The following MRTFA variants were observed in gnomAD, a reference collection of about 807,000 sequenced individuals.
MRTFA encodes myocardin-related transcription factor A.
In MRTFA, 20 loss-of-function variants were observed where a neutral mutation model predicts 83.5. That is an observed-to-expected ratio of 0.24 (90% confidence interval 0.17 to 0.35). The LOEUF (loss-of-function observed/expected upper bound fraction) is 0.35, where lower values mean the gene tolerates loss of function less well. MRTFA is among the 10% of genes least tolerant of loss of function. The pLI is 1.00. For missense variants in MRTFA, 1,200 were observed against 1,224.7 expected, an observed-to-expected ratio of 0.98 and a Z score of 0.30; for synonymous variants, 659 against 541.2, an observed-to-expected ratio of 1.22 and a Z score of -3.02.
At chr22:40,623,129 G>A (rs1484675999) in intron 1 of MRTFA, among the ~76,000 whole-genome samples, 2 of 152,184 alleles carry the variant, frequency 1.3e-5, no homozygotes, top group African/African-American at 4.8e-5. Context: ...CTGGATACCA[G>A]ATTAGAGAGA....
At chr22:40,512,043 A>G (rs559840714) in intron 3 of MRTFA, among the ~76,000 whole-genome samples, 12 of 152,334 alleles carry the variant, frequency 7.9e-5, no homozygotes, top group Non-Finnish European at 1.5e-4. Flanking sequence ...TGAGGCCTAG[A>G]ATGGGCCCAC....
intron 4 of MRTFA, among the ~76,000 whole-genome samples, chr22:40,438,149 TGG>T (rs1302727165): frequency 6.6e-6 from 1 of 152,214 alleles, no homozygotes; most frequent in Admixed American, 6.5e-5. Context: ...CAATTACTGC[TGG>T]GTGACATGGG....
At chr22:40,524,964 C>T (rs1467255732) in intron 3 of MRTFA, among the ~76,000 whole-genome samples, 2 of 152,158 alleles carry the variant, frequency 1.3e-5, no homozygotes, top group Non-Finnish European at 2.9e-5. Flanking sequence ...TGGGCCACCA[C>T]ACCCAGCTAA....
chr22:40,552,978 C>T (rs934112663), intron 2 of MRTFA, among the ~76,000 whole-genome samples: 3 of 152,154 alleles, frequency 2.0e-5, no homozygotes, highest in Admixed American at 1.3e-4. Flanking sequence ...CAATGAAGTA[C>T]AGGCTGAAAT....
At chr22:40,503,169 G>A (rs2054524870) in intron 3 of MRTFA, among the ~76,000 whole-genome samples, 1 of 152,192 alleles carries the variant, frequency 6.6e-6, no homozygotes, top group African/African-American at 2.4e-5. Flanking sequence ...TTTAGATGCA[G>A]AACTGAACTA....
rs755347887 is a variant in MRTFA, at chr22:40,411,336, C to A, written c.*54G>T. ...GGCCGAATCACGCAGGAGAGCCACG[C>A]ATTGGAGTACCCTGGCTCCCAGCCC... On this transcript the variant is annotated 3_prime_UTR_variant, in exon 15 of 15. Transcript: ENST00000355630. 4 of 1,497,730 alleles carry A rather than the reference C, an allele frequency of 2.7e-6. No individual in the cohort carries two copies. Among genetic ancestry groups the A allele is most frequent in the Admixed American group, 2.2e-5 (1 of 46,220 alleles). 92.8% of individuals were successfully genotyped at this position (1,497,730 alleles called of 1,614,324 possible).
intron 3 of MRTFA, among the ~76,000 whole-genome samples, chr22:40,479,013 AG>A (rs1483800701): frequency 6.6e-6 from 1 of 152,152 alleles, no homozygotes; most frequent in African/African-American, 2.4e-5. Context: ...TTAGGCAGAT[AG>A]GGAGGGTATG....
intron 2 of MRTFA, among the ~76,000 whole-genome samples, chr22:40,593,436 T>A (rs562767887): frequency 9.2e-5 from 14 of 152,340 alleles, no homozygotes; most frequent in South Asian, 4.1e-4. Flanking sequence ...TACCTTTCTT[T>A]ACTTTCCATT....
At chr22:40,508,226 C>A (rs940238489) in intron 3 of MRTFA, among the ~76,000 whole-genome samples, 2 of 151,922 alleles carry the variant, frequency 1.3e-5, no homozygotes, top group South Asian at 4.1e-4. Context: ...GATTTATTTA[C>A]GTGCTGGGCA....
chr22:40,495,401 G>A (rs567540877), intron 3 of MRTFA, among the ~76,000 whole-genome samples: 14 of 149,704 alleles, frequency 9.4e-5, no homozygotes, highest in South Asian at 4.2e-4. Context: ...GCAGTGAGCC[G>A]AGATTGCGCC....
chr22:40,555,828 C>T (rs938283526), intron 2 of MRTFA, among the ~76,000 whole-genome samples: 4 of 151,704 alleles, frequency 2.6e-5, no homozygotes, highest in East Asian at 1.9e-4. Flanking sequence ...TTAGTAGAGA[C>T]GGGGTTTCAC....
intron 4 of MRTFA, among the ~76,000 whole-genome samples, chr22:40,440,273 G>A (rs1461925442): frequency 1.3e-5 from 2 of 152,124 alleles, no homozygotes; most frequent in Non-Finnish European, 2.9e-5. Flanking sequence ...ATGAGGCAGG[G>A]ACCGTTATTT....
At chr22:40,547,853 C>CAAAAAA (rs1056609474) in intron 3 of MRTFA, among the ~76,000 whole-genome samples, 3 of 51,222 alleles carry the variant, frequency 5.9e-5, no homozygotes, top group Non-Finnish European at 8.0e-5. Context: ...GACTGTCTCC[C>CAAAAAA]AAAAAAAAAA....
intron 7 of MRTFA, among the ~76,000 whole-genome samples, chr22:40,426,936 T>A (rs1391550666): frequency 6.6e-6 from 1 of 152,158 alleles, no homozygotes; most frequent in Non-Finnish European, 1.5e-5. Context: ...GGCAGGTGAC[T>A]CAGAGACAAT....
chr22:40,416,680 CTTAT>C lies in MRTFA; in HGVS notation c.2578+302_2578+305del, dbSNP rs1388950816. ...CCTCTCGGATCTTCCATATGATCTG[CTTAT>C]TTCTTATATTTGTTGTCCACCTCCC... On this transcript the variant is annotated intron_variant, in intron 14 of 14. Transcript: ENST00000355630. This position sits in a 1 kb window ranked among gnomAD's most constrained non-coding sequence, Gnocchi z 4.2. Among the ~76,000 whole-genome samples, 1 of 152,252 alleles carries C rather than the reference CTTAT, an allele frequency of 6.6e-6. No homozygotes were observed. Among genetic ancestry groups the C allele is most frequent in the Admixed American group, 6.5e-5 (1 of 15,292 alleles).
intron 3 of MRTFA, among the ~76,000 whole-genome samples, chr22:40,494,680 A>T (rs890802005): frequency 7.4e-5 from 8 of 107,944 alleles, no homozygotes; most frequent in Non-Finnish European, 1.2e-4. Flanking sequence ...GACTCTGTCT[A>T]AAAAAAAAAA....
intron 3 of MRTFA, among the ~76,000 whole-genome samples, chr22:40,502,187 G>T (rs1373194633): frequency 7.1e-6 from 1 of 141,518 alleles, no homozygotes; most frequent in Non-Finnish European, 1.6e-5. Context: ...TCCCGGACGG[G>T]GTGGCTGCCG....
chr22:40,616,887 C>CCAG (rs961736672), intron 1 of MRTFA, among the ~76,000 whole-genome samples: 7 of 151,866 alleles, frequency 4.6e-5, no homozygotes, highest in Non-Finnish European at 1.0e-4. Context: ...TCACTTAAAC[C>CCAG]CAGCAGTTCG....
intron 1 of MRTFA, among the ~76,000 whole-genome samples, chr22:40,596,945 A>T (rs913855420): frequency 4.6e-5 from 7 of 151,990 alleles, no homozygotes; most frequent in African/African-American, 1.7e-4. Context: ...ACTGCACTCC[A>T]GCAGCCTAGG....
Sources: gnomAD v4.1 joint callset for allele counts (sites outside exome capture counted in the v4.1 genomes callset) on GRCh38, gnomAD v4.1.1 for gene constraint, Gnocchi (gnomAD v3.1) non-coding constraint, MANE v1.5 for transcripts, NCBI Gene and HGNC (gene_info 2026-07-23, HGNC 2026-07-21) for gene names.